TMOD3: variants seen among roughly 807,000 people sequenced by gnomAD.
TMOD3 encodes the protein tropomodulin 3, also known as tropomodulin-3.
Under a neutral mutation model 39.2 loss-of-function variants are expected in TMOD3, and 20 were observed. That is an observed-to-expected ratio of 0.51 (90% CI 0.36 to 0.74). TMOD3 has a LOEUF of 0.74. Among genes scored for constraint, TMOD3 ranks in the 30% least tolerant of loss-of-function variants. TMOD3 has a pLI of 0.00. For synonymous variants in TMOD3, 143 were observed against 145.8 expected, an observed-to-expected ratio of 0.98 and a Z score of 0.14; for missense variants, 381 against 412.8, an observed-to-expected ratio of 0.92 and a Z score of 0.67.
chr15:51,876,304 G>A (rs536235072), intron 3 of TMOD3, among the ~76,000 whole-genome samples: 2 of 152,172 alleles, frequency 1.3e-5, no homozygotes, highest in Admixed American at 1.3e-4. Context: ...AAGTAGTTGA[G>A]ACTACAGGCA....
chr15:51,856,388 T>C (rs2056387869), intron 1 of TMOD3, among the ~76,000 whole-genome samples: 1 of 152,262 alleles, frequency 6.6e-6, no homozygotes, highest in Admixed American at 6.5e-5. Flanking sequence ...TACCCAGAAG[T>C]TCTTGCCTCA....
rs59321162 is a variant in TMOD3, at chr15:51,893,294, CAAAAAAAAAAAAAAAA to C, written c.497-507_497-492del. Among the ~76,000 whole-genome samples, 14 of 59,008 alleles carry C rather than the reference CAAAAAAAAAAAAAAAA, an allele frequency of 2.4e-4. No individual in the cohort carries two copies. The South Asian group carries it at 3.5e-3, about 15-fold the overall frequency. The allele number at this position is 59,008 out of a possible 152,430, so 38.7% of individuals were successfully genotyped here. ...TGGGTGGTAGAGTAAGACTCCATCT[CAAAAAAAAAAAAAAAA>C]AAAAAAAAAAAAATTAAATAAATAA... is the stretch of plus-strand genomic sequence containing the variant. On this transcript the variant is annotated intron_variant, in intron 5 of 9. Transcript: ENST00000308580.
chr15:51,893,524 T>G (rs2056605212), intron 5 of TMOD3, among the ~76,000 whole-genome samples: 1 of 152,020 alleles, frequency 6.6e-6, no homozygotes, highest in South Asian at 2.1e-4. Flanking sequence ...CCCAGCACTT[T>G]GGGAGGCTGA....
intron 7 of TMOD3, 62 bp from the exon 8 acceptor site, chr15:51,900,093 G>A (rs1010588519): frequency 3.0e-5 from 44 of 1,484,002 alleles, no homozygotes; most frequent in African/African-American, 4.2e-5. Context: ...TTTATGGCAT[G>A]TACAATATGT....
At position 51,889,274 on chromosome 15, in the gene TMOD3, G is replaced by T. The variant is rs902094604; in HGVS notation, c.496+129G>T. 9 of 615,874 alleles carry T rather than the reference G, an allele frequency of 1.5e-5. No individual in the cohort carries two copies. In the African/African-American group the frequency reaches 1.8e-4, roughly 12 times the overall value. 38.2% of individuals were successfully genotyped at this position (615,874 alleles called of 1,614,324 possible). ...TACTTGAAACCTGACATTTCAGTTT[G>T]GTGGTATTAACCAAGAAAGCCATTG... is the stretch of plus-strand genomic sequence containing the variant. On this transcript the variant is annotated intron_variant, in intron 5 of 9. Coordinates refer to ENST00000308580, the MANE Select transcript of TMOD3 (RefSeq NM_014547.5).
intron 3 of TMOD3, among the ~76,000 whole-genome samples, chr15:51,883,556 T>C (rs2056545032): frequency 6.6e-6 from 1 of 152,216 alleles, no homozygotes; most frequent in South Asian, 2.1e-4. Flanking sequence ...GACATACATA[T>C]TAGCTCACAT....
rs372455102 is a variant in TMOD3 at position 51,910,578 on chromosome 15, AAAACAAAC to A, written c.*1781_*1788del. 3 of 152,342 alleles carry A rather than the reference AAAACAAAC, an allele frequency of 2.0e-5. No individual in the cohort carries two copies. Among genetic ancestry groups the A allele is most frequent in the African/African-American group, 7.2e-5 (3 of 41,452 alleles). 9.4% of individuals were successfully genotyped at this position (152,342 alleles called of 1,614,324 possible). ...GTGACAAAGCAAGACTCTGTCTCAA[AAAACAAAC>A]AAACAAACAAACTTTTTGAAATTGA... is the stretch of plus-strand genomic sequence containing the variant. On this transcript the variant is annotated 3_prime_UTR_variant, in exon 10 of 10. Coordinates refer to ENST00000308580, the MANE Select transcript of TMOD3 (RefSeq NM_014547.5).
In TMOD3 at chr15:51,900,173, A is replaced by G; in HGVS notation, c.754A>G (p.Lys252Glu). The G allele has an allele frequency of 1.2e-6, 2 of 1,614,124 alleles. No homozygotes were observed. Among genetic ancestry groups the G allele is most frequent in the Non-Finnish European group, 1.7e-6 (2 of 1,180,018 alleles). The change falls in exon 8 of 10, where the codon AAA (lysine) becomes GAA (glutamate). Residue 252 changes from lysine (K) to glutamate (E), a missense_variant. By Grantham distance (56) the Lys-to-Glu change is moderately conservative. Transcript: ENST00000308580. Reference sequence around the variant, plus strand: ...TTTCTAGGCTTTTGCAGAAATGCTGAAAGTGAACAAAACTTTGAAGAGCTT... The same window carrying G: ...TTTCTAGGCTTTTGCAGAAATGCTGGAAGTGAACAAAACTTTGAAGAGCTT... ...PVATAFAEML[K>E]VNKTLKSLNV...
chr15:51,850,074 T>C (rs1326237197), intron 1 of TMOD3, among the ~76,000 whole-genome samples: 2 of 152,092 alleles, frequency 1.3e-5, no homozygotes, highest in African/African-American at 4.8e-5. Flanking sequence ...GGGAGAGGAC[T>C]CGGGTTACCA....
chr15:51,866,745 C>T (rs1435218301), intron 2 of TMOD3, among the ~76,000 whole-genome samples: 1 of 152,124 alleles, frequency 6.6e-6, no homozygotes, highest in Non-Finnish European at 1.5e-5. Context: ...CACCTTTATT[C>T]AGTAAATATT....
At chr15:51,850,641 A>G (rs371316687) in intron 1 of TMOD3, among the ~76,000 whole-genome samples, 9 of 152,212 alleles carry the variant, frequency 5.9e-5, no homozygotes, top group African/African-American at 2.2e-4. Flanking sequence ...TAGTGGTGAT[A>G]CATTTTAAAT....
At chr15:51,879,839 T>G (rs1033520200) in intron 3 of TMOD3, among the ~76,000 whole-genome samples, 4 of 99,718 alleles carry the variant, frequency 4.0e-5, no homozygotes, top group African/African-American at 1.5e-4. Context: ...GGCAATCTCT[T>G]TCTCTCTCTC....
At chr15:51,837,289 G>A (rs1375258264) in intron 1 of TMOD3, among the ~76,000 whole-genome samples, 1 of 152,096 alleles carries the variant, frequency 6.6e-6, no homozygotes, top group African/African-American at 2.4e-5. Context: ...CCCCTCAAAT[G>A]TATATGAGTC....
At chr15:51,870,602 ATAG>A (rs1398851966) in intron 3 of TMOD3, among the ~76,000 whole-genome samples, 1 of 152,184 alleles carries the variant, frequency 6.6e-6, no homozygotes, top group Non-Finnish European at 1.5e-5. Flanking sequence ...TCCAGCTTCT[ATAG>A]TAGAGGAAGG....
rs1328832735 is a variant in TMOD3 at position 51,896,813 on chromosome 15, T to C, written c.735+287T>C. ...TTGATTTTTCACTCTGCAGTTTATC[T>C]TTAAAGTTTTGTTGTATCAATACAT... On this transcript the variant is annotated intron_variant, in intron 7 of 9. Coordinates refer to ENST00000308580, the MANE Select transcript of TMOD3 (RefSeq NM_014547.5). 2.6e-5 allele frequency among the ~76,000 whole-genome samples: 4 copies of C among 152,328 alleles called. No individual in the cohort carries two copies. In the East Asian group the frequency reaches 7.7e-4, roughly 29 times the overall value.
chr15:51,854,488 A>G (rs111967363), intron 1 of TMOD3, among the ~76,000 whole-genome samples: 2,646 of 152,346 alleles, frequency 0.017, 38 homozygotes, highest in Non-Finnish European at 0.026. Context: ...AATGGTGGTG[A>G]AATGGAGGTT....
rs1195362210 is a variant in TMOD3, at chr15:51,859,206, A to G, written c.-74-3605A>G. On this transcript the variant is annotated intron_variant, in intron 1 of 9. Transcript: ENST00000308580. ...TCTTCACAAACGGCCAGTCTGATAC[A>G]TAGCATGTTTAGCTACAGATGCCTC... 5 of 737,004 alleles carry G rather than the reference A, an allele frequency of 6.8e-6. No individual in the cohort carries two copies. The African/African-American group carries it at 8.7e-5, about 13-fold the overall frequency. The allele number at this position is 737,004 out of a possible 1,614,324, so 45.7% of individuals were successfully genotyped here.
chr15:51,866,147 A>G (rs2056444445), intron 2 of TMOD3, among the ~76,000 whole-genome samples: 1 of 152,164 alleles, frequency 6.6e-6, no homozygotes, highest in Admixed American at 6.5e-5. Flanking sequence ...AGCTAGCTTC[A>G]TTTAGATTGT....
At position 51,909,769 on chromosome 15, in the gene TMOD3, T is replaced by C. The variant is rs903028479; in HGVS notation, c.*959T>C. 6 of 152,226 alleles carry C rather than the reference T, an allele frequency of 3.9e-5. No individual in the cohort carries two copies. Among genetic ancestry groups the C allele is most frequent in the African/African-American group, 1.2e-4 (5 of 41,456 alleles). 9.4% of individuals were successfully genotyped at this position (152,226 alleles called of 1,614,324 possible). ...ACTGTAAGTCAGTTGGAAGCTGGCA[T>C]GTATGTAAATTACTTGGTGTTACAC... On this transcript the variant is annotated 3_prime_UTR_variant, in exon 10 of 10. Transcript: ENST00000308580.
Sources: allele counts gnomAD v4.1 joint callset (sites outside exome capture counted in the v4.1 genomes callset), GRCh38; gene constraint gnomAD v4.1.1; transcripts MANE v1.5; gene names NCBI Gene and HGNC (gene_info 2026-07-23, HGNC 2026-07-21).